Variants in SHOC1 observed in about 807,000 individuals in gnomAD.
SHOC1 encodes shortage in chiasmata 1, also known as protein shortage in chiasmata 1 ortholog.
A neutral mutation model predicts 179.2 loss-of-function variants in SHOC1; 136 were observed. The ratio of observed to expected loss-of-function variants is 0.76; its 90% CI spans 0.66 to 0.87. The LOEUF is 0.87. Ranked by LOEUF, SHOC1 falls within the 40% of genes least tolerant of loss-of-function variation. The pLI is 0.00. For missense variants in SHOC1, 1,538 were observed against 1,700.8 expected, an observed-to-expected ratio of 0.90 and a Z score of 1.68; for synonymous variants, 489 against 586.6, an observed-to-expected ratio of 0.83 and a Z score of 2.41.
intron 5 of SHOC1, among the ~76,000 whole-genome samples, chr9:111,771,270 G>A (rs895225564): frequency 2.6e-5 from 4 of 152,026 alleles, no homozygotes; most frequent in Non-Finnish European, 4.4e-5. Flanking sequence ...ACAAAGAAAG[G>A]AATAGAAACA....
At chr9:111,746,401 G>T in intron 9 of SHOC1, 59 bp from the exon 10 acceptor site, 1 of 1,109,092 alleles carries the variant, frequency 9.0e-7, no homozygotes, top group Non-Finnish European at 1.4e-6. Context: ...TAGGCTAGGC[G>T]TGGTGGCTCA....
At chr9:111,792,733 G>A (rs1836489540) in intron 1 of SHOC1, among the ~76,000 whole-genome samples, 1 of 152,152 alleles carries the variant, frequency 6.6e-6, no homozygotes, top group Non-Finnish European at 1.5e-5. Context: ...CTTTAATATT[G>A]TTAGATTCTG....
At chr9:111,785,091 C>T (rs1417858571) in intron 3 of SHOC1, among the ~76,000 whole-genome samples, 1 of 152,088 alleles carries the variant, frequency 6.6e-6, no homozygotes, top group African/African-American at 2.4e-5. Context: ...ATTTTCTGGT[C>T]CTTACACACA....
chr9:111,785,467 A>T (rs1222186275), intron 3 of SHOC1, among the ~76,000 whole-genome samples: 2 of 152,104 alleles, frequency 1.3e-5, no homozygotes, highest in Non-Finnish European at 2.9e-5. Context: ...ATACCAAGTA[A>T]ATGCTGTTAA....
intron 26 of SHOC1, among the ~76,000 whole-genome samples, chr9:111,693,073 A>G (rs930409200): frequency 9.9e-5 from 15 of 152,206 alleles, no homozygotes; most frequent in African/African-American, 3.6e-4. Context: ...TGGGAGGCCA[A>G]GGCAGTTAGA....
chr9:111,754,363 G>A (rs1834756800), intron 8 of SHOC1, among the ~76,000 whole-genome samples: 1 of 152,150 alleles, frequency 6.6e-6, no homozygotes, highest in African/African-American at 2.4e-5. Flanking sequence ...GTGAAAAGGT[G>A]TTTGACATCC....
intron 13 of SHOC1, among the ~76,000 whole-genome samples, chr9:111,726,526 G>A (rs1425682846): frequency 6.6e-6 from 1 of 152,116 alleles, no homozygotes; most frequent in Non-Finnish European, 1.5e-5. Context: ...GCCTTCCAAA[G>A]TTCTGGGATT....
At chr9:111,699,884 G>T in intron 24 of SHOC1, 70 bp downstream of exon 24, 4 of 843,730 alleles carry the variant, frequency 4.7e-6, no homozygotes, top group Non-Finnish European at 3.8e-6. Flanking sequence ...TTTCTCATTG[G>T]GCACTTAAGT....
Position 111,722,469 on chromosome 9 carries a change from C to A in SHOC1, c.2071G>T (p.Asp691Tyr). 2 of 1,611,952 alleles carry A rather than the reference C, an allele frequency of 1.2e-6. No individual in the cohort carries two copies. The highest frequency in any genetic ancestry group is 1.1e-5 in the South Asian group (1 of 90,556). Reference protein sequence around the residue: ...ANWKFATVIFDQTRFLLKEQE... With the variant: ...ANWKFATVIFYQTRFLLKEQE... ...TCCTTTAAGAGAAACCTTGTTTGGTCAAAAATAACAGTGGCAAATTTCCAA... is the reference window on the plus strand; with the variant it reads ...TCCTTTAAGAGAAACCTTGTTTGGTAAAAAATAACAGTGGCAAATTTCCAA... Residue 691 changes from aspartate to tyrosine, a missense_variant, in exon 15 of 28, where the codon GAC becomes TAC. Asp to Tyr is a radical substitution (Grantham distance 160). Transcript: ENST00000682961.
chr9:111,732,759 G>C (rs1489304581), intron 12 of SHOC1, among the ~76,000 whole-genome samples: 1 of 152,142 alleles, frequency 6.6e-6, no homozygotes, highest in Non-Finnish European at 1.5e-5. Flanking sequence ...CAGGGGGGTA[G>C]GTTAGTGAGG....
intron 22 of SHOC1, among the ~76,000 whole-genome samples, chr9:111,702,862 C>T (rs866364054): frequency 9.2e-5 from 14 of 152,164 alleles, no homozygotes; most frequent in African/African-American, 2.9e-4. Flanking sequence ...ATAATCCCAG[C>T]ACTTTGGGAG....
In SHOC1 at chr9:111,722,454, G is replaced by A. The variant is rs1213708537; in HGVS notation, c.2086C>T (p.Leu696Phe). 9 of 1,611,176 alleles carry A rather than the reference G, an allele frequency of 5.6e-6. No homozygotes were observed. The highest frequency in any genetic ancestry group is 2.7e-5 in the African/African-American group (2 of 74,760). The change falls in exon 15 of 28, where the codon CTC becomes TTC. Residue 696 changes from leucine to phenylalanine, a missense_variant. Physicochemically the swap from Leu to Phe is conservative, Grantham distance 22. Transcript: ENST00000682961. ...ATVIFDQTRFLLKEQEKVVSD... is the reference protein window; with the variant it reads ...ATVIFDQTRFFLKEQEKVVSD... ...ACTACTTTTTCTTGTTCCTTTAAGA[G>A]AAACCTTGTTTGGTCAAAAATAACA...
intron 5 of SHOC1, among the ~76,000 whole-genome samples, chr9:111,761,002 C>T (rs1052494940): frequency 2.6e-5 from 4 of 151,544 alleles, no homozygotes; most frequent in Non-Finnish European, 5.9e-5. Context: ...ATGATACTGA[C>T]ACAATAATAG....
At chr9:111,744,383 A>G (rs140980219) in intron 10 of SHOC1, among the ~76,000 whole-genome samples, 1 of 152,344 alleles carries the variant, frequency 6.6e-6, no homozygotes, top group Non-Finnish European at 1.5e-5. Context: ...AGTTCATGAT[A>G]GAACTCTGTA....
At chr9:111,750,601 CT>C (rs749872440) in intron 8 of SHOC1, among the ~76,000 whole-genome samples, 1 of 152,190 alleles carries the variant, frequency 6.6e-6, no homozygotes, top group East Asian at 1.9e-4. Flanking sequence ...TCCCAAAGTG[CT>C]GGGATTACAG....
rs553838598 is a variant in SHOC1, at chr9:111,699,897, G to A, written c.3183+57C>T. The A allele has an allele frequency of 1.5e-4, 157 of 1,048,020 alleles. 3 individuals carry two copies. The South Asian group carries it at 2.3e-3, about 16-fold the overall frequency. 64.9% of individuals were successfully genotyped at this position (1,048,020 alleles called of 1,614,324 possible). A position where few individuals can be genotyped will look rare whatever the true frequency, so the allele number is the denominator to read the frequency against. Reference sequence around the variant, plus strand: ...TTTTTCTCATTGGGCACTTAAGTTTGAGTATAATTTTGGTTTATAAAAAAT... The same window carrying A: ...TTTTTCTCATTGGGCACTTAAGTTTAAGTATAATTTTGGTTTATAAAAAAT... On this transcript the variant is annotated intron_variant, in intron 24 of 27. Coordinates refer to ENST00000682961, the MANE Select transcript of SHOC1 (RefSeq NM_001378211.1).
Position 111,722,479 on chromosome 9 carries a change from A to G in SHOC1, c.2061T>C (p.Thr687=), listed in dbSNP as rs776350785. 5.0e-6 allele frequency: 8 copies of G among 1,612,706 alleles called. No individual in the cohort carries two copies. Among genetic ancestry groups the G allele is most frequent in the Non-Finnish European group, 5.9e-6 (7 of 1,179,724 alleles). Residue 687 remains threonine (T), a synonymous_variant, in exon 15 of 28, where the codon ACT becomes ACC. Coordinates refer to ENST00000682961, the MANE Select transcript of SHOC1 (RefSeq NM_001378211.1). The part of the protein sequence containing the change: ...TLPTANWKFA[T]VIFDQTRFLL... ...GAAACCTTGTTTGGTCAAAAATAAC[A>G]GTGGCAAATTTCCAATTAGCAGTAG...
At chr9:111,718,140 T>C in intron 16 of SHOC1, 44 bp downstream of exon 16, 1 of 1,358,534 alleles carries the variant, frequency 7.4e-7, no homozygotes, top group Non-Finnish European at 1.0e-6. Flanking sequence ...TCAGATGAAA[T>C]ATTTAATAGG....
chr9:111,717,001 T>C (rs1832821851), intron 16 of SHOC1, among the ~76,000 whole-genome samples: 1 of 152,204 alleles, frequency 6.6e-6, no homozygotes, highest in African/African-American at 2.4e-5. Context: ...CTTCTCAGCT[T>C]CTATAATAGA....
Sources: gnomAD v4.1 joint callset for allele counts (sites outside exome capture counted in the v4.1 genomes callset) on GRCh38, gnomAD v4.1.1 for gene constraint, MANE v1.5 for transcripts, NCBI Gene and HGNC (gene_info 2026-07-23, HGNC 2026-07-21) for gene names.